OPCML: variants seen among roughly 807,000 people sequenced by gnomAD.
OPCML encodes the protein opioid-binding protein/cell adhesion molecule.
Under a neutral mutation model 37.8 loss-of-function variants are expected in OPCML, and 13 were observed. The ratio of observed to expected loss-of-function variants is 0.34; its 90% CI spans 0.22 to 0.55. The LOEUF (loss-of-function observed/expected upper bound fraction) is 0.55, where lower values mean the gene tolerates loss of function less well. OPCML is among the 20% of genes least tolerant of loss of function. The probability of loss-of-function intolerance (pLI) is 0.91; values close to 1 mark genes in which losing one functional copy is unlikely to be tolerated. For missense variants in OPCML, 341 were observed against 435.6 expected (o/e 0.78, Z 1.93); for synonymous variants, 176 against 168.8 (o/e 1.04, Z -0.33).
chr11:133,371,011 A>G (rs1944662716), intron 1 of OPCML, among the ~76,000 whole-genome samples: 1 of 152,234 alleles, frequency 6.6e-6, no homozygotes, highest in South Asian at 2.1e-4. Context: ...TGGACAAAGG[A>G]CATGAATAGA....
intron 2 of OPCML, among the ~76,000 whole-genome samples, chr11:132,701,934 C>A (rs1414315676): frequency 6.6e-6 from 1 of 151,970 alleles, no homozygotes; most frequent in Admixed American, 6.6e-5. Flanking sequence ...ATCTTAATTT[C>A]AACCACATAC....
chr11:132,912,125 T>C (rs768181426), intron 2 of OPCML, among the ~76,000 whole-genome samples: 4 of 150,942 alleles, frequency 2.7e-5, no homozygotes, highest in Non-Finnish European at 5.9e-5. Flanking sequence ...CTTTCTGACA[T>C]ATAAAAGAAA....
intron 1 of OPCML, among the ~76,000 whole-genome samples, chr11:133,230,007 CA>C (rs140386852): frequency 0.024 from 3,647 of 152,124 alleles, 82 homozygotes; most frequent in Middle Eastern, 0.065. Flanking sequence ...TTAGATATTT[CA>C]TAAAAATGCC....
intron 1 of OPCML, among the ~76,000 whole-genome samples, chr11:133,156,240 G>GC: frequency 6.6e-6 from 1 of 152,192 alleles, no homozygotes; most frequent in Non-Finnish European, 1.5e-5. Flanking sequence ...TAGAATGACT[G>GC]CCCCCTGCTT....
chr11:132,761,274 AT>A (rs1387911007), intron 2 of OPCML, among the ~76,000 whole-genome samples: 8 of 124,434 alleles, frequency 6.4e-5, no homozygotes, highest in Non-Finnish European at 1.6e-5. Context: ...AAATCTGGTG[AT>A]TATGTGTCTT....
At chr11:132,600,424 C>T (rs979172619) in intron 3 of OPCML, among the ~76,000 whole-genome samples, 2 of 152,188 alleles carry the variant, frequency 1.3e-5, no homozygotes, top group African/African-American at 4.8e-5. Context: ...CCAGCCTCTC[C>T]ATGTGGAGTT....
intron 2 of OPCML, among the ~76,000 whole-genome samples, chr11:132,888,586 G>A (rs1367438959): frequency 6.6e-6 from 1 of 152,078 alleles, no homozygotes; most frequent in Non-Finnish European, 1.5e-5. Flanking sequence ...TATTTGCTTC[G>A]GAAAAAGCTC....
intron 1 of OPCML, among the ~76,000 whole-genome samples, chr11:133,305,142 C>T (rs778028128): frequency 2.6e-5 from 4 of 152,082 alleles, no homozygotes; most frequent in Admixed American, 6.5e-5. Context: ...GAAAAAAAAC[C>T]TTTCTCTTAA....
chr11:132,615,755 G>A (rs192542654), intron 3 of OPCML, among the ~76,000 whole-genome samples: 60 of 152,134 alleles, frequency 3.9e-4, no homozygotes, highest in Non-Finnish European at 6.3e-4. Context: ...TAATACATGC[G>A]AACTACTTAG....
At position 133,265,097 on chromosome 11, in the gene OPCML, G is replaced by C. The variant is rs566623895; in HGVS notation, c.61+267167C>G. 2.1e-4 allele frequency among the ~76,000 whole-genome samples: 32 copies of C among 152,294 alleles called. No homozygotes were observed. In the Middle Eastern group the frequency reaches 0.01, roughly 49 times the overall value. On this transcript the variant is annotated intron_variant, in intron 1 of 7. Transcript: ENST00000524381. ...TGACACAGGGTAACTTTCTGGAGGA[G>C]AGGGACATAGTCCAGTTCTGTGACC... is the stretch of plus-strand genomic sequence containing the variant.
At chr11:133,269,191 C>T (rs1941747199) in intron 1 of OPCML, among the ~76,000 whole-genome samples, 1 of 152,162 alleles carries the variant, frequency 6.6e-6, no homozygotes, top group African/African-American at 2.4e-5. Context: ...CATCTCTGAG[C>T]TCTAAATGCT....
At chr11:132,713,783 TCTC>T (rs1163844210) in intron 2 of OPCML, among the ~76,000 whole-genome samples, 3 of 152,182 alleles carry the variant, frequency 2.0e-5, no homozygotes, top group African/African-American at 7.2e-5. Flanking sequence ...TTGGGTACGT[TCTC>T]CACCTGCAGG....
chr11:133,295,950 T>C (rs1942618887), intron 1 of OPCML, among the ~76,000 whole-genome samples: 2 of 152,244 alleles, frequency 1.3e-5, no homozygotes, highest in South Asian at 4.1e-4. Context: ...CCAGATTTCC[T>C]CATTAATGAG....
chr11:132,898,480 C>T (rs925099993), intron 2 of OPCML, among the ~76,000 whole-genome samples: 10 of 152,172 alleles, frequency 6.6e-5, no homozygotes, highest in South Asian at 2.1e-4. Flanking sequence ...TCTTACCATG[C>T]GTCCCACCAT....
At chr11:133,109,443 T>C (rs1949217447) in intron 1 of OPCML, among the ~76,000 whole-genome samples, 2 of 152,176 alleles carry the variant, frequency 1.3e-5, no homozygotes, top group South Asian at 2.1e-4. Flanking sequence ...CTCCCTGCGA[T>C]TGGCTACTTT....
At chr11:133,146,407 C>T (rs888860962) in intron 1 of OPCML, among the ~76,000 whole-genome samples, 5 of 151,618 alleles carry the variant, frequency 3.3e-5, no homozygotes, top group Non-Finnish European at 7.4e-5. Flanking sequence ...CTCTGCCTCC[C>T]GGGTTCAAGA....
intron 1 of OPCML, among the ~76,000 whole-genome samples, chr11:133,436,840 T>A (rs996735998): frequency 2.6e-5 from 4 of 152,208 alleles, no homozygotes; most frequent in African/African-American, 4.8e-5. Flanking sequence ...TGCAAAGACC[T>A]AAACCTTTCG....
At position 132,766,826 on chromosome 11, in the gene OPCML, C is replaced by A. The variant is rs571615214; in HGVS notation, c.147-109507G>T. Among the ~76,000 whole-genome samples, 5 of 151,864 alleles carry A rather than the reference C, an allele frequency of 3.3e-5. No homozygotes were observed. The East Asian group carries it at 5.8e-4, about 18-fold the overall frequency. ...GAAGAAAAATAAAAGATATTACTAGCAAAAATGGAAAATTCTGAATAATAA... is the reference window on the plus strand; with the variant it reads ...GAAGAAAAATAAAAGATATTACTAGAAAAAATGGAAAATTCTGAATAATAA... On this transcript the variant is annotated intron_variant, in intron 2 of 7. Transcript: ENST00000524381.
intron 2 of OPCML, among the ~76,000 whole-genome samples, chr11:132,917,443 T>A (rs1944645501): frequency 6.6e-6 from 1 of 152,212 alleles, no homozygotes; most frequent in Admixed American, 6.5e-5. Flanking sequence ...CAGCCTGACT[T>A]GCTACTTCCT....
Sources: allele counts gnomAD v4.1 joint callset (sites outside exome capture counted in the v4.1 genomes callset), GRCh38; gene constraint gnomAD v4.1.1; transcripts MANE v1.5; gene names NCBI Gene and HGNC (gene_info 2026-07-23, HGNC 2026-07-21).